ANXA8: variants seen among roughly 807,000 people sequenced by gnomAD.
The protein encoded by ANXA8 is VAC-beta.
A neutral mutation model predicts 26.8 loss-of-function variants in ANXA8; 9 were observed. The ratio of observed to expected loss-of-function variants is 0.34; its 90% CI spans 0.20 to 0.59. The LOEUF (loss-of-function observed/expected upper bound fraction) is 0.59. Among genes scored for constraint, ANXA8 ranks in the 20% least tolerant of loss-of-function variants. The pLI is 0.84. For missense variants in ANXA8, 83 were observed against 238.5 expected (o/e 0.35, Z 4.29); for synonymous variants, 39 against 94.8 (o/e 0.41, Z 3.42).
chr10:47,567,944 C>T, the ANXA8 span: 5,831 of 678,396 alleles, frequency 8.6e-3, 286 homozygotes, highest in African/African-American at 0.1. Flanking sequence ...CATCAACCTT[C>T]TCTTTCAGAT....
the ANXA8 span, among the ~76,000 whole-genome samples, chr10:47,535,671 G>A: frequency 1.6e-5 from 2 of 122,530 alleles, no homozygotes; most frequent in Non-Finnish European, 3.2e-5. Flanking sequence ...AATGGAAGTG[G>A]CATTGTTTTC....
intron 1 of ANXA8, among the ~76,000 whole-genome samples, chr10:47,483,174 C>T (rs1839899165): frequency 6.6e-6 from 1 of 151,460 alleles, no homozygotes; most frequent in Non-Finnish European, 1.5e-5. Context: ...CTGCCCTGAG[C>T]CCCGGGTTCC....
the ANXA8 span, among the ~76,000 whole-genome samples, chr10:47,546,664 C>T: frequency 1.8e-4 from 24 of 134,122 alleles, 1 homozygote; most frequent in African/African-American, 2.2e-4. Flanking sequence ...CCTTGGCCTC[C>T]GAAGTGCTGG....
the ANXA8 span, among the ~76,000 whole-genome samples, chr10:47,513,774 C>T: frequency 7.3e-6 from 1 of 137,612 alleles, no homozygotes; most frequent in Non-Finnish European, 1.6e-5. Flanking sequence ...CCACCTAAAA[C>T]ATAAAGTGAA....
the ANXA8 span, among the ~76,000 whole-genome samples, chr10:47,667,893 G>A: frequency 2.0e-5 from 3 of 151,866 alleles, no homozygotes; most frequent in Admixed American, 6.6e-5. Flanking sequence ...GTACCACCAC[G>A]ACTGGCTAAT....
the ANXA8 span, among the ~76,000 whole-genome samples, chr10:47,651,189 G>C: frequency 6.6e-6 from 1 of 150,740 alleles, no homozygotes; most frequent in Non-Finnish European, 1.5e-5. Context: ...GGCAGAGCAA[G>C]ACCCTGTCTC....
At chr10:47,612,770 TC>T in the ANXA8 span, among the ~76,000 whole-genome samples, 1 of 74,026 alleles carries the variant, frequency 1.4e-5, no homozygotes, top group Non-Finnish European at 3.4e-5. Context: ...GTTAGCATAC[TC>T]AGCCCTCTTG....
the ANXA8 span, among the ~76,000 whole-genome samples, chr10:47,521,518 A>G: frequency 7.1e-6 from 1 of 140,786 alleles, no homozygotes; most frequent in Non-Finnish European, 1.5e-5. Flanking sequence ...AAGAGCTATA[A>G]GACATTTCCT....
chr10:47,593,727 A>G, the ANXA8 span, among the ~76,000 whole-genome samples: 1 of 148,826 alleles, frequency 6.7e-6, no homozygotes, highest in Non-Finnish European at 1.5e-5. Flanking sequence ...TTCAAAGAGA[A>G]TAAAAAATAT....
At chr10:47,663,645 A>G in the ANXA8 span, among the ~76,000 whole-genome samples, 2 of 135,892 alleles carry the variant, frequency 1.5e-5, no homozygotes, top group Admixed American at 1.4e-4. Flanking sequence ...CGGCCTCCCA[A>G]AGTGTTAGGA....
chr10:47,737,547 TAC>T, the ANXA8 span, among the ~76,000 whole-genome samples: 1 of 151,914 alleles, frequency 6.6e-6, no homozygotes, highest in Non-Finnish European at 1.5e-5. Flanking sequence ...GCCAGAACCA[TAC>T]AGTTAGAATT....
At chr10:47,484,481 C>T (rs1839987120), upstream of ANXA8, 1 of 1,138,770 alleles carries the variant, frequency 8.8e-7, no homozygotes, top group Non-Finnish European at 1.3e-6. Flanking sequence ...TCATATTCAC[C>T]ACAGATGGGA....
the ANXA8 span, among the ~76,000 whole-genome samples, chr10:47,501,279 C>T: frequency 7.0e-6 from 1 of 141,932 alleles, no homozygotes; most frequent in African/African-American, 2.6e-5. Flanking sequence ...AATCTCCTGA[C>T]CTGGTGATCA....
intron 4 of ANXA8, 62 bp from the exon 5 acceptor site, chr10:47,476,384 CT>C: frequency 2.2e-6 from 1 of 464,876 alleles, no homozygotes; most frequent in Non-Finnish European, 3.8e-6. Context: ...CTGTCCACAC[CT>C]TCTTTTCTCA....
the ANXA8 span, among the ~76,000 whole-genome samples, chr10:47,756,884 A>T: frequency 2.8e-5 from 4 of 144,428 alleles, no homozygotes; most frequent in Non-Finnish European, 4.6e-5. Context: ...CCGCTGATGG[A>T]AAGGTGGAGG....
chr10:47,701,232 A>G, the ANXA8 span, among the ~76,000 whole-genome samples: 11 of 151,356 alleles, frequency 7.3e-5, no homozygotes, highest in African/African-American at 2.2e-4. Flanking sequence ...TGTTGGCGCA[A>G]CTGTGAGGTA....
the ANXA8 span, among the ~76,000 whole-genome samples, chr10:47,739,962 C>T: frequency 1.5e-5 from 1 of 64,640 alleles, no homozygotes; most frequent in African/African-American, 5.1e-5. Context: ...AAAAAATTAG[C>T]CAGGCATGGT....
the ANXA8 span, among the ~76,000 whole-genome samples, chr10:47,493,640 G>A: frequency 6.6e-6 from 1 of 151,020 alleles, no homozygotes; most frequent in Admixed American, 6.6e-5. Flanking sequence ...GACCCAGACA[G>A]CCTGTTGTCA....
intron 6 of ANXA8, 72 bp from the exon 7 acceptor site, chr10:47,475,076 G>T: frequency 6.6e-7 from 1 of 1,519,176 alleles, no homozygotes; most frequent in Non-Finnish European, 8.9e-7. Context: ...GGGGGATCCT[G>T]GGCTTGGAGG....
Sources: allele counts gnomAD v4.1 joint callset (sites outside exome capture counted in the v4.1 genomes callset), GRCh38; gene constraint gnomAD v4.1.1; transcripts MANE v1.5; gene names NCBI Gene and HGNC (gene_info 2026-07-23, HGNC 2026-07-21).